The following RAB40C variants were observed in gnomAD, a reference collection of about 807,000 sequenced individuals.
RAB40C encodes ras-related protein Rab-40C.
In RAB40C, 8 loss-of-function variants were observed where a neutral mutation model predicts 28.1. That is an observed-to-expected ratio of 0.28 (90% CI 0.17 to 0.51). The LOEUF is 0.51. Ranked by LOEUF, RAB40C falls within the 20% of genes least tolerant of loss-of-function variation. RAB40C has a pLI of 0.97. For missense variants in RAB40C, 288 were observed against 405.9 expected (o/e 0.71, Z 2.50); for synonymous variants, 201 against 171.7 (o/e 1.17, Z -1.34).
At chr16:591,592 CTTTCT>C (rs1487386355) in intron 1 of RAB40C, among the ~76,000 whole-genome samples, 6 of 150,958 alleles carry the variant, frequency 4.0e-5, no homozygotes, top group Admixed American at 1.3e-4. Flanking sequence ...CTTTTCTTTT[CTTTCT>C]TTTTTTTTTT....
In RAB40C at chr16:626,134, G is replaced by A. The variant is rs1450568427; in HGVS notation, c.565+13G>A. 1 of 1,605,440 alleles carries A rather than the reference G, an allele frequency of 6.2e-7. No individual in the cohort carries two copies. The highest frequency in any genetic ancestry group is 8.5e-7 in the Non-Finnish European group (1 of 1,173,726). The stretch of plus-strand genomic sequence containing the variant: ...AGGCCCAACCGAGGTGGGTGGGCGG[G>A]CGCCGGCCAGCCCTGAGGTCCCCGA... On this transcript the variant is annotated intron_variant, in intron 5 of 5. Transcript: ENST00000248139.
Position 594,838 on chromosome 16 carries a change from T to A in RAB40C, c.142+4405T>A, listed in dbSNP as rs560511238. Among the ~76,000 whole-genome samples, 5 of 151,010 alleles carry A rather than the reference T, an allele frequency of 3.3e-5. No individual in the cohort carries two copies. In the South Asian group the frequency reaches 6.3e-4, roughly 19 times the overall value. On this transcript the variant is annotated intron_variant, in intron 1 of 5. Coordinates refer to ENST00000248139, the MANE Select transcript of RAB40C (RefSeq NM_021168.5). Reference sequence around the variant, plus strand: ...TCTTCCTTTTTTTTTTTTTTTTTTTTAGACGAAGTCTTACTCTCTTGCGCA... The same window carrying A: ...TCTTCCTTTTTTTTTTTTTTTTTTTAAGACGAAGTCTTACTCTCTTGCGCA...
intron 1 of RAB40C, among the ~76,000 whole-genome samples, chr16:601,815 T>TAAAAAAAAAAAAAAAAAAA (rs60094426): frequency 3.7e-5 from 1 of 27,200 alleles, no homozygotes; most frequent in African/African-American, 1.3e-4. Flanking sequence ...CAAAAAAAAG[T>TAAAAAAAAAAAAAAAAAAA]AAAAAAAAAA....
intron 3 of RAB40C, 48 bp from the exon 4 acceptor site, chr16:625,384 G>A (rs1306808894): frequency 1.9e-6 from 3 of 1,596,034 alleles, no homozygotes; most frequent in Non-Finnish European, 2.6e-6. Context: ...GGCCTGGGCT[G>A]GCCATGCGTG....
chr16:609,837 G>A (rs891372827), intron 1 of RAB40C, among the ~76,000 whole-genome samples: 3 of 152,094 alleles, frequency 2.0e-5, no homozygotes. Flanking sequence ...TGGCTGGCGC[G>A]GCTCAGGATG....
intron 1 of RAB40C, among the ~76,000 whole-genome samples, chr16:602,781 A>G (rs766063247): frequency 2.6e-5 from 4 of 152,140 alleles, no homozygotes; most frequent in Non-Finnish European, 4.4e-5. Flanking sequence ...TGCCTAGGCT[A>G]GTGGTCTTGA....
intron 1 of RAB40C, among the ~76,000 whole-genome samples, chr16:615,583 G>A (rs2036569479): frequency 6.6e-6 from 1 of 152,228 alleles, no homozygotes; most frequent in Non-Finnish European, 1.5e-5. Flanking sequence ...TGTCGTGCCT[G>A]CGTTAAGTGT....
intron 1 of RAB40C, among the ~76,000 whole-genome samples, chr16:607,381 T>C (rs2036381672): frequency 6.6e-6 from 1 of 151,500 alleles, no homozygotes; most frequent in Non-Finnish European, 1.5e-5. Flanking sequence ...TGGGTGCCTG[T>C]AATCCCAGCT....
At chr16:616,818 C>T (rs961597531) in intron 1 of RAB40C, 1 of 216,344 alleles carries the variant, frequency 4.6e-6, no homozygotes, top group Non-Finnish European at 9.2e-6. Flanking sequence ...CTGGAGTCCA[C>T]GCCCTGCCTT....
At position 602,572 on chromosome 16, in the gene RAB40C, G is replaced by A. The variant is rs187758573; in HGVS notation, c.142+12139G>A. 6.4e-4 allele frequency among the ~76,000 whole-genome samples: 98 copies of A among 152,176 alleles called. 6 individuals are homozygous for A. The South Asian group carries it at 0.012, about 18-fold the overall frequency. On this transcript the variant is annotated intron_variant, in intron 1 of 5. Transcript: ENST00000248139. ...GCCCCCCGAGTAGCTGGGATTACAGGCACCTGCCACCACGCCCGGCTAGTT... is the reference window on the plus strand; with the variant it reads ...GCCCCCCGAGTAGCTGGGATTACAGACACCTGCCACCACGCCCGGCTAGTT...
At chr16:595,728 G>C (rs567166191) in intron 1 of RAB40C, among the ~76,000 whole-genome samples, 1 of 150,814 alleles carries the variant, frequency 6.6e-6, no homozygotes, top group Non-Finnish European at 1.5e-5. Flanking sequence ...TCAGCCTCCC[G>C]AGTAGCTGGG....
chr16:619,633 C>T (rs1184409683), intron 3 of RAB40C, among the ~76,000 whole-genome samples: 2 of 152,196 alleles, frequency 1.3e-5, no homozygotes, highest in Non-Finnish European at 2.9e-5. Context: ...AGAGCCCCTC[C>T]GGGGCCAGTT....
chr16:609,345 CAG>C (rs1194050301), intron 1 of RAB40C, among the ~76,000 whole-genome samples: 4 of 151,758 alleles, frequency 2.6e-5, no homozygotes, highest in South Asian at 4.2e-4. Flanking sequence ...TGGTGGGGGA[CAG>C]GGTGGCAGGG....
intron 1 of RAB40C, among the ~76,000 whole-genome samples, chr16:615,022 G>C (rs189785109): frequency 6.6e-6 from 1 of 152,336 alleles, no homozygotes; most frequent in Non-Finnish European, 1.5e-5. Flanking sequence ...CACAACCATT[G>C]TTCCTTCTTG....
At chr16:617,067 G>C in intron 1 of RAB40C, 141 bp from the exon 2 acceptor site, 1 of 848,840 alleles carries the variant, frequency 1.2e-6, no homozygotes, top group Non-Finnish European at 1.9e-6. Context: ...ATTTCCCCCT[G>C]CCCCACTGGC....
chr16:604,238 A>T (rs983763687), intron 1 of RAB40C, among the ~76,000 whole-genome samples: 2 of 150,024 alleles, frequency 1.3e-5, no homozygotes, highest in Non-Finnish European at 3.0e-5. Context: ...GTTCTTTTAA[A>T]TTTTTTTTTT....
At chr16:603,309 A>G (rs2036294076) in intron 1 of RAB40C, among the ~76,000 whole-genome samples, 1 of 152,166 alleles carries the variant, frequency 6.6e-6, no homozygotes, top group Non-Finnish European at 1.5e-5. Flanking sequence ...TTTGTTAGAT[A>G]ACTTTTCCTT....
rs1044002058 is a variant in RAB40C at position 615,834 on chromosome 16, C to T, written c.143-1374C>T. Among the ~76,000 whole-genome samples the T allele has an allele frequency of 2.6e-5, 4 of 152,204 alleles. No individual in the cohort carries two copies. The East Asian group carries it at 7.7e-4, about 29-fold the overall frequency. ...AAAATTAGCCGGCTGTGGTGGTGGG[C>T]ACCTGTAATCCCAGCTACTTGGGAG... On this transcript the variant is annotated intron_variant, in intron 1 of 5. Coordinates refer to ENST00000248139, the MANE Select transcript of RAB40C (RefSeq NM_021168.5).
chr16:618,172 C>G (rs371999985), intron 2 of RAB40C, 28 bp from the exon 3 acceptor site: 4 of 1,606,982 alleles, frequency 2.5e-6, no homozygotes, highest in East Asian at 2.2e-5. Flanking sequence ...ACCACAGTCC[C>G]GGCCCCTCCC....
Sources: allele counts gnomAD v4.1 joint callset (sites outside exome capture counted in the v4.1 genomes callset), GRCh38; gene constraint gnomAD v4.1.1; transcripts MANE v1.5; gene names NCBI Gene and HGNC (gene_info 2026-07-23, HGNC 2026-07-21).